The following SYNE2 variants were observed in gnomAD, a reference collection of about 807,000 sequenced individuals.
SYNE2 encodes the protein nesprin-2.
A neutral mutation model predicts 856.3 loss-of-function variants in SYNE2; 431 were observed. The ratio of observed to expected loss-of-function variants is 0.50; its 90% CI spans 0.47 to 0.55. The LOEUF (loss-of-function observed/expected upper bound fraction) is 0.55, where lower values mean the gene tolerates loss of function less well. Among genes scored for constraint, SYNE2 ranks in the 20% least tolerant of loss-of-function variants. The pLI, the probability that SYNE2 is intolerant of heterozygous loss-of-function variation, is 0.00. For synonymous variants in SYNE2, 2,923 were observed against 2,872.3 expected, an observed-to-expected ratio of 1.02 and a Z score of -0.56; for missense variants, 8,129 against 8,023.2, an observed-to-expected ratio of 1.01 and a Z score of -0.50.
At chr14:63,837,056 A>C (rs1263373176) in intron 1 of SYNE2, among the ~76,000 whole-genome samples, 1 of 152,230 alleles carries the variant, frequency 6.6e-6, no homozygotes, top group East Asian at 1.9e-4. Context: ...ATGCTGCCAC[A>C]ACAAGAAATG....
At chr14:63,896,544 T>C (rs1394049306) in intron 1 of SYNE2, among the ~76,000 whole-genome samples, 4 of 152,204 alleles carry the variant, frequency 2.6e-5, no homozygotes, top group African/African-American at 9.7e-5. Flanking sequence ...AACTTTGGGT[T>C]AGATTCCTTG....
intron 111 of SYNE2, 47 bp from the exon 112 acceptor site, chr14:64,221,529 T>A: frequency 6.2e-7 from 1 of 1,614,170 alleles, no homozygotes; most frequent in Non-Finnish European, 8.5e-7. Context: ...CACACCCTCT[T>A]CCAGGGCTCT....
chr14:64,081,928 TA>T (rs1341057659), intron 57 of SYNE2, among the ~76,000 whole-genome samples: 1 of 152,012 alleles, frequency 6.6e-6, no homozygotes, highest in East Asian at 1.9e-4. Context: ...CTACTAAAAA[TA>T]CAAAAAATTA....
At chr14:64,071,890 C>T (rs1250772763) in intron 52 of SYNE2, among the ~76,000 whole-genome samples, 1 of 151,904 alleles carries the variant, frequency 6.6e-6, no homozygotes, top group African/African-American at 2.4e-5. Context: ...TGGTGGCGCA[C>T]GCCTATAATC....
At chr14:63,935,315 G>A (rs1251721652) in intron 2 of SYNE2, among the ~76,000 whole-genome samples, 1 of 152,108 alleles carries the variant, frequency 6.6e-6, no homozygotes, top group Non-Finnish European at 1.5e-5. Flanking sequence ...ATTTAAACTG[G>A]TAATGCATAA....
chr14:63,894,137 C>T (rs1377512988), intron 1 of SYNE2, among the ~76,000 whole-genome samples: 1 of 151,664 alleles, frequency 6.6e-6, no homozygotes. Context: ...ATGGTTTTAA[C>T]AGCTTTTTGA....
intron 84 of SYNE2, among the ~76,000 whole-genome samples, chr14:64,150,320 A>AAAG (rs1567469948): frequency 5.0e-5 from 7 of 140,148 alleles, no homozygotes; most frequent in South Asian, 2.2e-4. Context: ...AAAAAAAAAA[A>AAAG]AGGATCCTCC....
chr14:64,059,181 T>C (rs1475599364), intron 49 of SYNE2, among the ~76,000 whole-genome samples: 1 of 152,172 alleles, frequency 6.6e-6, no homozygotes, highest in Non-Finnish European at 1.5e-5. Context: ...ATTTAGTTTG[T>C]TTGGTGAAGT....
chr14:64,167,003 C>T (rs1024675439), intron 90 of SYNE2: 3 of 577,308 alleles, frequency 5.2e-6, no homozygotes, highest in Non-Finnish European at 9.2e-6. Flanking sequence ...CTTTCTATTT[C>T]CTGGGCTGTT....
intron 1 of SYNE2, among the ~76,000 whole-genome samples, chr14:63,788,616 C>T (rs1291175562): frequency 6.6e-6 from 1 of 152,302 alleles, no homozygotes. Context: ...GCTGCAGCGG[C>T]ACCCAGGAAG....
At chr14:64,095,460 G>T (rs2097668688) in intron 61 of SYNE2, among the ~76,000 whole-genome samples, 1 of 152,168 alleles carries the variant, frequency 6.6e-6, no homozygotes, top group Admixed American at 6.5e-5. Context: ...GGAAAATCCT[G>T]ATTAGCTGAG....
intron 2 of SYNE2, among the ~76,000 whole-genome samples, chr14:63,915,943 C>G (rs547684270): frequency 6.6e-6 from 1 of 152,184 alleles, no homozygotes; most frequent in East Asian, 1.9e-4. Flanking sequence ...AATGGAGATG[C>G]AATGTTTAAT....
At chr14:64,168,739 TGCAGTAG>T in intron 92 of SYNE2, 131 bp from the exon 93 acceptor site, 1 of 660,858 alleles carries the variant, frequency 1.5e-6, no homozygotes. Flanking sequence ...GAACATTTTT[TGCAGTAG>T]GTTCAAATAA....
intron 65 of SYNE2, among the ~76,000 whole-genome samples, chr14:64,111,759 C>T (rs1231103022): frequency 1.3e-5 from 2 of 151,924 alleles, no homozygotes; most frequent in East Asian, 1.9e-4. Flanking sequence ...GATCATGCCA[C>T]TGTACTCCAG....
intron 1 of SYNE2, among the ~76,000 whole-genome samples, chr14:63,836,096 A>G (rs1422641232): frequency 6.6e-6 from 1 of 152,112 alleles, no homozygotes; most frequent in Non-Finnish European, 1.5e-5. Context: ...AGTGCAGTGC[A>G]ATGCAGCCTC....
intron 1 of SYNE2, among the ~76,000 whole-genome samples, chr14:63,881,126 G>A (rs1450434274): frequency 6.6e-6 from 1 of 151,788 alleles, no homozygotes; most frequent in Non-Finnish European, 1.5e-5. Flanking sequence ...GGGATTACAG[G>A]TGTGAGCCAC....
intron 1 of SYNE2, among the ~76,000 whole-genome samples, chr14:63,895,127 A>G (rs936961781): frequency 1.8e-4 from 26 of 144,934 alleles, no homozygotes; most frequent in Middle Eastern, 3.4e-3. Context: ...TTTTTTTGAG[A>G]TGAAGTCTCT....
At chr14:64,051,445 A>G in intron 47 of SYNE2, 112 bp from the exon 48 acceptor site, 1 of 1,076,682 alleles carries the variant, frequency 9.3e-7, no homozygotes, top group Non-Finnish European at 1.3e-6. Context: ...AGACAGCCTA[A>G]TTTTTTCTGT....
rs192128801 is a variant in SYNE2 at position 63,997,383 on chromosome 14, A to G, written c.3235A>G (p.Thr1079Ala). ...TGCAAAATCAGATAATCAGCCATCAACTGAAAAGGTGTTAAATGTGGATAA... is the reference window on the plus strand; with the variant it reads ...TGCAAAATCAGATAATCAGCCATCAGCTGAAAAGGTGTTAAATGTGGATAA... ...PFAKSDNQPS[T>A]EKAMEPTMKF... The change falls in exon 25 of 116, where the codon ACT becomes GCT. Residue 1079 changes from threonine to alanine, a missense_variant. Thr to Ala is a moderately conservative substitution (Grantham distance 58). Around this residue, in one of 3 missense-constraint regions of SYNE2, gnomAD observed 2,422 missense variants for 2,357.4 expected, o/e 1.03. Coordinates refer to ENST00000555002, the MANE Select transcript of SYNE2 (RefSeq NM_182914.3). 1.4e-3 allele frequency: 2,287 copies of G among 1,612,088 alleles called. 1 individual carries two copies. The highest frequency in any genetic ancestry group is 2.0e-3 in the Admixed American group (120 of 59,766).
Sources: allele counts gnomAD v4.1 joint callset (sites outside exome capture counted in the v4.1 genomes callset), GRCh38; gene constraint gnomAD v4.1.1; regional missense constraint gnomAD v4.1.1; transcripts MANE v1.5; gene names NCBI Gene and HGNC (gene_info 2026-07-23, HGNC 2026-07-21).